The following PDE4D variants were observed in gnomAD, a reference collection of about 807,000 sequenced individuals.
PDE4D encodes 3',5'-cyclic-AMP phosphodiesterase 4D.
Under a neutral mutation model 87.4 loss-of-function variants are expected in PDE4D, and 24 were observed. That is an observed-to-expected ratio of 0.27 (90% CI 0.20 to 0.39). PDE4D has a LOEUF of 0.39. Among genes scored for constraint, PDE4D ranks in the 10% least tolerant of loss-of-function variants. PDE4D has a pLI of 1.00. For missense variants in PDE4D, 714 were observed against 1,041.0 expected, an observed-to-expected ratio of 0.69 and a Z score of 4.32; for synonymous variants, 384 against 383.2, an observed-to-expected ratio of 1.00 and a Z score of -0.02.
chr5:59,990,450 G>A (rs1324414751), intron 2 of PDE4D, among the ~76,000 whole-genome samples: 1 of 152,066 alleles, frequency 6.6e-6, no homozygotes, highest in Non-Finnish European at 1.5e-5. Flanking sequence ...GTAAAAGGAT[G>A]TGAGATGGTG....
intron 1 of PDE4D, among the ~76,000 whole-genome samples, chr5:59,289,298 C>T (rs954822858): frequency 2.0e-5 from 3 of 151,728 alleles, no homozygotes; most frequent in Non-Finnish European, 4.4e-5. Context: ...TAATGAGTTA[C>T]AATATATTAT....
chr5:59,391,066 G>A (rs387647), intron 1 of PDE4D, among the ~76,000 whole-genome samples: 37,394 of 151,928 alleles, frequency 0.25, 4,934 homozygotes, highest in East Asian at 0.39. Context: ...GTCACCAGAG[G>A]AATAGAGATT....
chr5:59,008,881 A>G (rs922651731), intron 6 of PDE4D, among the ~76,000 whole-genome samples: 1 of 152,142 alleles, frequency 6.6e-6, no homozygotes, highest in Non-Finnish European at 1.5e-5. Flanking sequence ...CAACACAATA[A>G]GAGGACAATC....
chr5:60,494,178 A>G (rs1041390209), intron 1 of PDE4D, among the ~76,000 whole-genome samples: 1 of 152,200 alleles, frequency 6.6e-6, no homozygotes, highest in Non-Finnish European at 1.5e-5. Flanking sequence ...AAAGCTTTGC[A>G]TGGGGCCTGG....
chr5:59,154,974 CT>C (rs1477568057), intron 5 of PDE4D, among the ~76,000 whole-genome samples: 1 of 152,114 alleles, frequency 6.6e-6, no homozygotes, highest in East Asian at 1.9e-4. Flanking sequence ...GTTTCACTAA[CT>C]GAGATAGGAA....
At chr5:60,450,732 A>G (rs916552564) in intron 1 of PDE4D, among the ~76,000 whole-genome samples, 1 of 152,116 alleles carries the variant, frequency 6.6e-6, no homozygotes, top group African/African-American at 2.4e-5. Flanking sequence ...GACCTGGCCA[A>G]ATTGAACTGG....
At chr5:60,059,922 G>T (rs906224318) in intron 2 of PDE4D, among the ~76,000 whole-genome samples, 1 of 151,948 alleles carries the variant, frequency 6.6e-6, no homozygotes, top group African/African-American at 2.4e-5. Flanking sequence ...ATAGCCCCAT[G>T]ACTCCAAAGC....
chr5:60,318,938 T>C (rs1176713501), intron 1 of PDE4D, among the ~76,000 whole-genome samples: 2 of 152,194 alleles, frequency 1.3e-5, no homozygotes, highest in African/African-American at 4.8e-5. Context: ...CATTTCAACT[T>C]TGGTGAATCT....
chr5:59,355,619 T>C (rs1781257962), intron 1 of PDE4D, among the ~76,000 whole-genome samples: 1 of 152,286 alleles, frequency 6.6e-6, no homozygotes, highest in Admixed American at 6.5e-5. Flanking sequence ...AACAAATAAA[T>C]CATTATTTTA....
intron 1 of PDE4D, among the ~76,000 whole-genome samples, chr5:59,571,008 A>G (rs534023380): frequency 1.2e-4 from 19 of 152,350 alleles, no homozygotes; most frequent in African/African-American, 4.6e-4. Flanking sequence ...ACACATGCCC[A>G]ACAAATAACT....
intron 1 of PDE4D, among the ~76,000 whole-genome samples, chr5:59,527,146 G>T (rs900033010): frequency 6.6e-6 from 1 of 152,046 alleles, no homozygotes; most frequent in African/African-American, 2.4e-5. Context: ...CCACTGAATG[G>T]CATGGTGGTT....
intron 2 of PDE4D, among the ~76,000 whole-genome samples, chr5:60,141,951 A>G (rs997604095): frequency 1.3e-5 from 2 of 152,162 alleles, no homozygotes; most frequent in African/African-American, 4.8e-5. Context: ...TTAAGTAATA[A>G]TAATAACTCA....
chr5:60,495,125 T>C (rs1749743390), intron 1 of PDE4D, among the ~76,000 whole-genome samples: 1 of 152,190 alleles, frequency 6.6e-6, no homozygotes, highest in African/African-American at 2.4e-5. Flanking sequence ...ATATCACATA[T>C]AGTGCCTCAA....
intron 3 of PDE4D, among the ~76,000 whole-genome samples, chr5:59,909,558 AT>A (rs1171391626): frequency 6.6e-6 from 1 of 151,824 alleles, no homozygotes; most frequent in Non-Finnish European, 1.5e-5. Flanking sequence ...CCACTTTTGT[AT>A]TTTTTTGTAG....
At chr5:59,727,093 A>G (rs1035249806) in intron 1 of PDE4D, among the ~76,000 whole-genome samples, 4 of 152,090 alleles carry the variant, frequency 2.6e-5, no homozygotes, top group African/African-American at 9.7e-5. Context: ...ATAATATTAA[A>G]AGTTGTTCTC....
chr5:59,922,060 C>T (rs937426624), intron 3 of PDE4D, among the ~76,000 whole-genome samples: 1 of 152,020 alleles, frequency 6.6e-6, no homozygotes, highest in Non-Finnish European at 1.5e-5. Flanking sequence ...AGTGCAGCGA[C>T]TGGGGGACTT....
chr5:59,039,230 CGG>C, intron 5 of PDE4D: 4 of 1,248,072 alleles, frequency 3.2e-6, no homozygotes, highest in Non-Finnish European at 4.0e-6. Flanking sequence ...GTGCAAAGAG[CGG>C]CGAGCCAACT....
intron 1 of PDE4D, among the ~76,000 whole-genome samples, chr5:60,244,027 G>C (rs1747429809): frequency 6.6e-6 from 1 of 151,914 alleles, no homozygotes; most frequent in African/African-American, 2.4e-5. Flanking sequence ...CTTGTTTGCA[G>C]ATGATATGAT....
Sources: allele counts gnomAD v4.1 joint callset (sites outside exome capture counted in the v4.1 genomes callset), GRCh38; gene constraint gnomAD v4.1.1; transcripts MANE v1.5; gene names NCBI Gene and HGNC (gene_info 2026-07-23, HGNC 2026-07-21).